HDAC8: variants seen among roughly 807,000 people sequenced by gnomAD.
HDAC8 encodes histone deacetylase 8, also known as histone deacetylase-like 1.
HDAC8 carries 1 observed loss-of-function variant against 32.2 expected under a neutral mutation model. The observed-to-expected ratio is 0.03, with a 90% CI of 0.01 to 0.15. HDAC8 has a LOEUF of 0.15. Among genes scored for constraint, HDAC8 ranks in the 10% least tolerant of loss-of-function variants. HDAC8 has a pLI of 1.00. For synonymous variants in HDAC8, 108 were observed against 113.9 expected, an observed-to-expected ratio of 0.95 and a Z score of 0.33; for missense variants, 117 against 300.0, an observed-to-expected ratio of 0.39 and a Z score of 4.51.
At chrX:72,447,944 C>G in intron 9 of HDAC8, among the ~76,000 whole-genome samples, 1 of 111,804 alleles carries the variant, frequency 8.9e-6, no homozygotes, top group Non-Finnish European at 1.9e-5. Context: ...AGGACACAAA[C>G]AAATGGAAAA....
At chrX:72,522,018 A>G (rs781832826) in intron 4 of HDAC8, among the ~76,000 whole-genome samples, 12 of 111,806 alleles carry the variant, frequency 1.1e-4, no homozygotes, top group Non-Finnish European at 1.9e-4. Context: ...CTCAGGTTCG[A>G]GAAGGATTGA....
chrX:72,552,778 G>GA (rs34669637), intron 4 of HDAC8, among the ~76,000 whole-genome samples: 2,237 of 87,259 alleles, frequency 0.026, 33 homozygotes, highest in Admixed American at 0.041. Flanking sequence ...TCTTGTCTTA[G>GA]AAAAAAAAAA....
At position 72,344,629 on chromosome X, in the gene HDAC8, T is replaced by C. The variant is rs192806174; in HGVS notation, c.1111+7104A>G. 1.7e-3 allele frequency among the ~76,000 whole-genome samples: 196 copies of C among 112,009 alleles called. 1 individual carries two copies. The highest frequency in any genetic ancestry group is 5.9e-3 in the African/African-American group (181 of 30,817). On this transcript the variant is annotated intron_variant, in intron 10 of 10. Coordinates refer to ENST00000373573, the MANE Select transcript of HDAC8 (RefSeq NM_018486.3). ...ATTCAGTACATCAAAAGAGAACACA[T>C]CAAGTATATGTTTCAGTAAAGCTAT...
rs143410163 is a variant in HDAC8 at position 72,430,686 on chromosome X, A to G, written c.1005+31318T>C. On this transcript the variant is annotated intron_variant, in intron 9 of 10. Transcript: ENST00000373573. ...CCCTTGTGCTAAACCATGAATCACT[A>G]AAAGGAAGTAAATTGGCCTTTATCT... Among the ~76,000 whole-genome samples, 15 of 111,902 alleles carry G rather than the reference A, an allele frequency of 1.3e-4. No homozygotes were observed. In the East Asian group the frequency reaches 4.2e-3, roughly 31 times the overall value.
intron 9 of HDAC8, among the ~76,000 whole-genome samples, chrX:72,422,350 T>G (rs1289917771): frequency 3.6e-5 from 4 of 111,348 alleles, no homozygotes; most frequent in African/African-American, 1.3e-4. Flanking sequence ...GCTCTGCTAA[T>G]TATTCTTCGT....
At chrX:72,510,185 T>C (rs2049534170) in intron 4 of HDAC8, among the ~76,000 whole-genome samples, 1 of 112,192 alleles carries the variant, frequency 8.9e-6, no homozygotes, top group South Asian at 3.7e-4. Flanking sequence ...AATTTAGCTA[T>C]TGACCTAGCA....
rs2048203144 is a variant in HDAC8, at chrX:72,472,161, G to A, written c.738-7430C>T. ...CGGCTCACTGCAAGCTCCGCCTCCC[G>A]GGTTCACGCCATTCTCCTGCCTCAG... On this transcript the variant is annotated intron_variant, in intron 7 of 10. Transcript: ENST00000373573. 3.8e-5 allele frequency among the ~76,000 whole-genome samples: 4 copies of A among 105,271 alleles called. No homozygotes were observed. In the South Asian group the frequency reaches 1.3e-3, roughly 34 times the overall value. 91.4% of individuals were successfully genotyped at this position (105,271 alleles called of 115,157 possible). A position where few individuals can be genotyped will look rare whatever the true frequency, so the allele number is the denominator to read the frequency against.
At chrX:72,359,410 G>A (rs1398039106) in intron 9 of HDAC8, among the ~76,000 whole-genome samples, 1 of 111,447 alleles carries the variant, frequency 9.0e-6, no homozygotes, top group Admixed American at 9.6e-5. Context: ...GGCGAATTAG[G>A]TTCTTGAAGG....
chrX:72,443,350 G>A (rs1159598309), intron 9 of HDAC8, among the ~76,000 whole-genome samples: 1 of 111,012 alleles, frequency 9.0e-6, no homozygotes, highest in African/African-American at 3.3e-5. Flanking sequence ...AGACCACAAT[G>A]CAATCAAACT....
At chrX:72,358,847 A>C (rs1470427798) in intron 9 of HDAC8, among the ~76,000 whole-genome samples, 1 of 111,655 alleles carries the variant, frequency 9.0e-6, no homozygotes, top group Non-Finnish European at 1.9e-5. Context: ...GATTTTCATA[A>C]GGAGTGCACA....
chrX:72,488,953 T>A lies in HDAC8; in HGVS notation c.717A>T (p.Lys239Asn), dbSNP rs1342583087. The A allele has an allele frequency of 8.4e-7, 1 of 1,185,956 alleles. No individual in the cohort carries two copies. The highest frequency in any genetic ancestry group is 3.0e-5 in the East Asian group (1 of 33,439). The change falls in exon 7 of 11, where the codon AAA (lysine) becomes AAT (asparagine). Residue 239 changes from lysine to asparagine, a missense_variant. This residue lies in a region of HDAC8 where 57 missense variants were observed against 182.0 expected (regional missense o/e 0.31). Coordinates refer to ENST00000373573, the MANE Select transcript of HDAC8 (RefSeq NM_018486.3). Reference sequence around the variant, plus strand: ...CATACCTTTCACAGATCTGGTAATATTTTTCATCTTGTATGCCATCCTGAA... The same window carrying A: ...CATACCTTTCACAGATCTGGTAATAATTTTCATCTTGTATGCCATCCTGAA... Reference protein sequence around the residue: ...VPIQDGIQDEKYYQICESVLK... With the variant: ...VPIQDGIQDENYYQICESVLK...
At chrX:72,422,363 T>C (rs782105915) in intron 9 of HDAC8, among the ~76,000 whole-genome samples, 11 of 110,798 alleles carry the variant, frequency 9.9e-5, no homozygotes, top group Non-Finnish European at 1.3e-4. Flanking sequence ...TTCTTCGTTC[T>C]TTTTTTTCCT....
At chrX:72,391,950 G>A (rs2045623372) in intron 9 of HDAC8, among the ~76,000 whole-genome samples, 1 of 111,522 alleles carries the variant, frequency 9.0e-6, no homozygotes, top group Admixed American at 9.5e-5. Flanking sequence ...ATTCATATTG[G>A]TATCCCCAGC....
At chrX:72,527,371 C>G in intron 4 of HDAC8, among the ~76,000 whole-genome samples, 1 of 111,975 alleles carries the variant, frequency 8.9e-6, no homozygotes, top group Non-Finnish European at 1.9e-5. Context: ...CCCCACAGCC[C>G]AGTTGAGTTT....
chrX:72,420,285 C>A (rs1284041267), intron 9 of HDAC8, among the ~76,000 whole-genome samples: 3 of 111,558 alleles, frequency 2.7e-5, no homozygotes, highest in Non-Finnish European at 3.8e-5. Flanking sequence ...TGTTATAGAT[C>A]TCCTGACATT....
At chrX:72,416,994 ATAT>A (rs1186260389) in intron 9 of HDAC8, among the ~76,000 whole-genome samples, 1 of 111,277 alleles carries the variant, frequency 9.0e-6, no homozygotes, top group Non-Finnish European at 1.9e-5. Context: ...AATTGTTTTA[ATAT>A]TATTGTAATA....
At chrX:72,401,898 A>AT (rs1475466024) in intron 9 of HDAC8, among the ~76,000 whole-genome samples, 1 of 112,138 alleles carries the variant, frequency 8.9e-6, no homozygotes, top group Non-Finnish European at 1.9e-5. Flanking sequence ...TTCCTCTTTC[A>AT]TTTTTTGGAA....
intron 2 of HDAC8, among the ~76,000 whole-genome samples, chrX:72,570,076 C>T (rs1556147792): frequency 8.9e-6 from 1 of 112,101 alleles, no homozygotes; most frequent in Non-Finnish European, 1.9e-5. Context: ...CTACTATCAC[C>T]AAGGTAGCTG....
At chrX:72,473,735 A>G (rs782589469) in intron 7 of HDAC8, 2 of 752,832 alleles carry the variant, frequency 2.7e-6, no homozygotes, top group Admixed American at 8.7e-5. Flanking sequence ...TTATGTCAAT[A>G]TAACAGCAGA....
Sources: allele counts gnomAD v4.1 joint callset (sites outside exome capture counted in the v4.1 genomes callset), GRCh38; gene constraint gnomAD v4.1.1; regional missense constraint gnomAD v4.1.1; transcripts MANE v1.5; gene names NCBI Gene and HGNC (gene_info 2026-07-23, HGNC 2026-07-21).